Variants in ZNF678 observed in about 807,000 individuals in gnomAD.
ZNF678 encodes zinc finger protein 678.
In ZNF678, 5 loss-of-function variants were observed where a neutral mutation model predicts 3.0. That is an observed-to-expected ratio of 1.69 (90% CI 0.88 to 3.56). ZNF678 has a LOEUF of 3.56. Ranked by LOEUF, ZNF678 falls within the 30% of genes most tolerant of loss-of-function variation. ZNF678 has a pLI of 0.00. For missense variants in ZNF678, 593 were observed against 605.0 expected, an observed-to-expected ratio of 0.98 and a Z score of 0.21; for synonymous variants, 218 against 199.6, an observed-to-expected ratio of 1.09 and a Z score of -0.78.
Position 227,635,085 on chromosome 1 carries a change from C to CAAAAA in ZNF678, c.-163-11449_-163-11445dup, listed in dbSNP as rs71721953. On this transcript the variant is annotated intron_variant, in intron 1 of 3. Coordinates refer to ENST00000343776, the MANE Select transcript of ZNF678 (RefSeq NM_001367909.1). ...AGAACAAGAGTCTCTGCCTGGTAAT[C>CAAAAA]AAAAAAAAAAAAAATCTTAATTCTC... Among the ~76,000 whole-genome samples, 31 of 145,608 alleles carry CAAAAA rather than the reference C, an allele frequency of 2.1e-4. 2 individuals carry two copies. The highest frequency in any genetic ancestry group is 1.6e-3 in the East Asian group (8 of 4,932).
At chr1:227,589,655 A>G (rs1454085685) in intron 1 of ZNF678, among the ~76,000 whole-genome samples, 5 of 151,654 alleles carry the variant, frequency 3.3e-5, no homozygotes, top group Admixed American at 3.3e-4. Flanking sequence ...CAGGGGGTGC[A>G]TGACTGGGGA....
rs190092664 is a variant in ZNF678 at position 227,625,959 on chromosome 1, C to T, written c.-163-20585C>T. On this transcript the variant is annotated intron_variant, in intron 1 of 3. Transcript: ENST00000343776. The stretch of plus-strand genomic sequence containing the variant: ...TGGTAGAGTTATAGTAGTTGTGGGG[C>T]ATATGGGTGTGGGTGGTGAAAGTGG... Among the ~76,000 whole-genome samples, 36 of 152,180 alleles carry T rather than the reference C, an allele frequency of 2.4e-4. No individual in the cohort carries two copies. In the East Asian group the frequency reaches 5.2e-3, roughly 22 times the overall value.
At position 227,658,135 on chromosome 1, in the gene ZNF678, T is replaced by C. The variant is rs372853625; in HGVS notation, c.*2307T>C. The C allele has an allele frequency of 2.2e-4, 34 of 152,206 alleles. No individual in the cohort carries two copies. The highest frequency in any genetic ancestry group is 7.9e-4 in the African/African-American group (33 of 41,562). 9.4% of individuals were successfully genotyped at this position (152,206 alleles called of 1,614,324 possible). On this transcript the variant is annotated 3_prime_UTR_variant, in exon 4 of 4. Coordinates refer to ENST00000343776, the MANE Select transcript of ZNF678 (RefSeq NM_001367909.1). ...AGTATATTTTATTTTTGTATTTCAA[T>C]TGGAGAACCCTATTTTGGCCAATTT...
chr1:227,597,939 AC>A (rs969397565), intron 1 of ZNF678, among the ~76,000 whole-genome samples: 7 of 152,198 alleles, frequency 4.6e-5, no homozygotes, highest in Admixed American at 4.6e-4. Context: ...CAGCTCCGCA[AC>A]CCTAAAAGCT....
At chr1:227,585,192 G>A (rs952791071) in intron 1 of ZNF678, among the ~76,000 whole-genome samples, 5 of 152,288 alleles carry the variant, frequency 3.3e-5, no homozygotes, top group Middle Eastern at 3.4e-3. Context: ...CCAGTTAATC[G>A]TTTTCTGTCT....
At chr1:227,596,741 A>T (rs1657599904) in intron 1 of ZNF678, among the ~76,000 whole-genome samples, 1 of 152,242 alleles carries the variant, frequency 6.6e-6, no homozygotes, top group South Asian at 2.1e-4. Flanking sequence ...TTACATTTTT[A>T]TACAATCAGG....
At chr1:227,644,497 G>T (rs1430397860) in intron 1 of ZNF678, among the ~76,000 whole-genome samples, 1 of 152,152 alleles carries the variant, frequency 6.6e-6, no homozygotes, top group Non-Finnish European at 1.5e-5. Flanking sequence ...CTTCACTTTG[G>T]ATCATAAATA....
chr1:227,655,855 C>T lies in ZNF678; in HGVS notation c.*27C>T, dbSNP rs770627995. ...AACTGCTTCATTATACATGGCTTCA[C>T]TAATTTCATACTGAATAAAAGTGGT... On this transcript the variant is annotated 3_prime_UTR_variant, in exon 4 of 4. Transcript: ENST00000343776. 58 of 1,532,840 alleles carry T rather than the reference C, an allele frequency of 3.8e-5. No individual in the cohort carries two copies. Among genetic ancestry groups the T allele is most frequent in the Non-Finnish European group, 4.5e-5 (52 of 1,145,180 alleles). 95.0% of individuals were successfully genotyped at this position (1,532,840 alleles called of 1,614,324 possible).
At chr1:227,649,058 C>T (rs569576804) in intron 2 of ZNF678, among the ~76,000 whole-genome samples, 8 of 152,044 alleles carry the variant, frequency 5.3e-5, no homozygotes, top group South Asian at 4.2e-4. Context: ...TTTTTATGAC[C>T]GAATAATATT....
At chr1:227,671,246 A>T (rs976310574) in intron 5 of ZNF678, among the ~76,000 whole-genome samples, 4 of 119,110 alleles carry the variant, frequency 3.4e-5, no homozygotes, top group Admixed American at 1.6e-4. Context: ...TCTACAAATT[A>T]AAAAAAAAAA....
At chr1:227,630,100 A>C (rs1658514426) in intron 1 of ZNF678, among the ~76,000 whole-genome samples, 1 of 152,120 alleles carries the variant, frequency 6.6e-6, no homozygotes, top group African/African-American at 2.4e-5. Context: ...CAGCTGACTG[A>C]GTGATAAACT....
rs189067365 is a variant in ZNF678, at chr1:227,628,628, T to C, written c.-163-17916T>C. Among the ~76,000 whole-genome samples the C allele has an allele frequency of 4.3e-3, 660 of 152,356 alleles. 3 individuals are homozygous for C. The highest frequency in any genetic ancestry group is 6.8e-3 in the Middle Eastern group (2 of 294). On this transcript the variant is annotated intron_variant, in intron 1 of 3. Transcript: ENST00000343776. The stretch of plus-strand genomic sequence containing the variant: ...CTTTGGATAATTTTAGCCCTAAGTA[T>C]TTAACCTGCTGTAAGCAGAGCTGAG...
chr1:227,563,794 C>A (rs1189586070), intron 1 of ZNF678, 70 bp downstream of exon 1: 1 of 1,275,922 alleles, frequency 7.8e-7, no homozygotes, highest in Admixed American at 2.3e-5. Flanking sequence ...GAGTCCGCGG[C>A]CCGGAGTCCC....
intron 2 of ZNF678, among the ~76,000 whole-genome samples, chr1:227,647,607 A>G (rs909241602): frequency 4.6e-5 from 7 of 152,196 alleles, no homozygotes; most frequent in Admixed American, 3.9e-4. Context: ...AGAAAGCCAG[A>G]AATGAAAATG....
chr1:227,671,281 T>C (rs952141149), intron 5 of ZNF678, among the ~76,000 whole-genome samples: 6 of 152,046 alleles, frequency 3.9e-5, no homozygotes, highest in Admixed American at 2.0e-4. Context: ...GACCTTGCCA[T>C]GTTGCCCATG....
chr1:227,637,253 G>T (rs1658700832), intron 1 of ZNF678, among the ~76,000 whole-genome samples: 1 of 152,222 alleles, frequency 6.6e-6, no homozygotes, highest in South Asian at 2.1e-4. Context: ...GCTGTGTTTA[G>T]ACGGGAGCTG....
intron 1 of ZNF678, among the ~76,000 whole-genome samples, chr1:227,622,215 A>C (rs953780863): frequency 1.1e-4 from 16 of 152,342 alleles, no homozygotes; most frequent in African/African-American, 3.8e-4. Context: ...TTTGGTGTCC[A>C]CAACTTGCCT....
chr1:227,611,542 T>C (rs1317394090), intron 1 of ZNF678, among the ~76,000 whole-genome samples: 2 of 152,204 alleles, frequency 1.3e-5, no homozygotes, highest in Non-Finnish European at 1.5e-5. Flanking sequence ...TCACAAGACA[T>C]TCACCTTCAT....
intron 1 of ZNF678, among the ~76,000 whole-genome samples, chr1:227,645,317 G>T (rs1227473664): frequency 1.3e-5 from 2 of 152,248 alleles, no homozygotes; most frequent in East Asian, 1.9e-4. Context: ...GCTGGTTCTC[G>T]GGTAAATGAG....
Sources: allele counts gnomAD v4.1 joint callset (sites outside exome capture counted in the v4.1 genomes callset), GRCh38; gene constraint gnomAD v4.1.1; transcripts MANE v1.5; gene names NCBI Gene and HGNC (gene_info 2026-07-23, HGNC 2026-07-21).